The following LYPLAL1 variants were observed in gnomAD, a reference collection of about 807,000 sequenced individuals.
LYPLAL1 encodes lysophospholipase like 1, also known as lysophospholipase-like protein 1.
In LYPLAL1, 23 loss-of-function variants were observed where a neutral mutation model predicts 19.7. The ratio of observed to expected loss-of-function variants is 1.17; its 90% CI spans 0.84 to 1.65. The LOEUF is 1.65. Ranked by LOEUF, LYPLAL1 falls within the 40% of genes most tolerant of loss-of-function variation. LYPLAL1 has a pLI of 0.00. For synonymous variants in LYPLAL1, 119 were observed against 96.3 expected (o/e 1.24, Z -1.38); for missense variants, 355 against 279.4 (o/e 1.27, Z -1.93).
the LYPLAL1 span, among the ~76,000 whole-genome samples, chr1:219,362,952 A>C: frequency 6.9e-6 from 1 of 145,464 alleles, no homozygotes; most frequent in Non-Finnish European, 1.5e-5. Flanking sequence ...GGATGAATGC[A>C]AAAAAAAAAA....
intron 3 of LYPLAL1, among the ~76,000 whole-genome samples, chr1:219,205,291 A>C (rs1658468103): frequency 6.8e-6 from 1 of 146,762 alleles, no homozygotes; most frequent in African/African-American, 2.5e-5. Flanking sequence ...CGGGAAGCGG[A>C]GCTTGCAGTG....
chr1:219,274,091 C>T, the LYPLAL1 span, among the ~76,000 whole-genome samples: 4 of 152,092 alleles, frequency 2.6e-5, no homozygotes, highest in African/African-American at 4.8e-5. Context: ...TTGCTGATGG[C>T]GTAGCTGTAA....
the LYPLAL1 span, among the ~76,000 whole-genome samples, chr1:219,341,609 AC>A: frequency 1.3e-5 from 2 of 152,162 alleles, no homozygotes; most frequent in East Asian, 3.9e-4. Context: ...TCTGTCCTGA[AC>A]CAAGTGGCCT....
chr1:219,287,390 C>T, the LYPLAL1 span, among the ~76,000 whole-genome samples: 1 of 152,160 alleles, frequency 6.6e-6, no homozygotes, highest in African/African-American at 2.4e-5. Flanking sequence ...ATCATATTTT[C>T]CTCACCAAAA....
chr1:219,325,121 GA>G, the LYPLAL1 span, among the ~76,000 whole-genome samples: 1 of 152,144 alleles, frequency 6.6e-6, no homozygotes, highest in African/African-American at 2.4e-5. Flanking sequence ...AAGAATCCAT[GA>G]TAACACTTGC....
chr1:219,186,271 A>G (rs1656713807), intron 2 of LYPLAL1, among the ~76,000 whole-genome samples: 2 of 151,802 alleles, frequency 1.3e-5, no homozygotes, highest in African/African-American at 4.8e-5. Context: ...CATATGGTCT[A>G]TCTTGGTGAC....
the LYPLAL1 span, among the ~76,000 whole-genome samples, chr1:219,319,348 A>G: frequency 2.6e-5 from 4 of 152,168 alleles, no homozygotes; most frequent in Non-Finnish European, 1.5e-5. Context: ...AAGCTTCCCC[A>G]TCGAGTTGGA....
the LYPLAL1 span, among the ~76,000 whole-genome samples, chr1:219,439,056 C>T: frequency 6.6e-6 from 1 of 152,094 alleles, no homozygotes; most frequent in Non-Finnish European, 1.5e-5. Context: ...CTCACTCAAA[C>T]TCTATTTTAC....
the LYPLAL1 span, among the ~76,000 whole-genome samples, chr1:219,258,006 G>A: frequency 2.0e-5 from 3 of 151,962 alleles, no homozygotes; most frequent in Non-Finnish European, 4.4e-5. Context: ...AGAATTCAGT[G>A]ATATCTCTCA....
chr1:219,395,550 C>A, the LYPLAL1 span, among the ~76,000 whole-genome samples: 2 of 151,954 alleles, frequency 1.3e-5, no homozygotes, highest in South Asian at 4.2e-4. Context: ...GCAAAAATTT[C>A]CTCTCATTCT....
the LYPLAL1 span, among the ~76,000 whole-genome samples, chr1:219,242,913 G>T: frequency 6.6e-6 from 1 of 152,264 alleles, no homozygotes; most frequent in East Asian, 1.9e-4. Flanking sequence ...AAGCATTTCA[G>T]TCCTATGTGG....
At chr1:219,250,914 T>G in the LYPLAL1 span, among the ~76,000 whole-genome samples, 1 of 152,236 alleles carries the variant, frequency 6.6e-6, no homozygotes, top group Non-Finnish European at 1.5e-5. Context: ...GAATTTACAC[T>G]CCCACCAACA....
the LYPLAL1 span, among the ~76,000 whole-genome samples, chr1:219,294,627 G>A: frequency 6.6e-6 from 1 of 152,100 alleles, no homozygotes; most frequent in Non-Finnish European, 1.5e-5. Context: ...TCTTCCTTCA[G>A]GTCTGGCTCA....
chr1:219,377,066 A>G, the LYPLAL1 span, among the ~76,000 whole-genome samples: 1 of 152,238 alleles, frequency 6.6e-6, no homozygotes, highest in African/African-American at 2.4e-5. Flanking sequence ...AATAGCTACC[A>G]GGCAAAATCA....
At chr1:219,186,308 G>T (rs745505437) in intron 2 of LYPLAL1, among the ~76,000 whole-genome samples, 1 of 151,718 alleles carries the variant, frequency 6.6e-6, no homozygotes, top group East Asian at 1.9e-4. Context: ...TGCGTGTCAC[G>T]TTCTATAAAT....
At chr1:219,202,780 A>T (rs1461786212) in intron 3 of LYPLAL1, among the ~76,000 whole-genome samples, 1 of 151,876 alleles carries the variant, frequency 6.6e-6, no homozygotes. Flanking sequence ...GGACTCAGTG[A>T]TCCTCCTGCA....
the LYPLAL1 span, among the ~76,000 whole-genome samples, chr1:219,307,568 T>C: frequency 6.6e-6 from 1 of 152,230 alleles, no homozygotes; most frequent in African/African-American, 2.4e-5. Flanking sequence ...TAGAGCAAAG[T>C]TGAGAACATT....
the LYPLAL1 span, among the ~76,000 whole-genome samples, chr1:219,440,463 T>C: frequency 4.0e-5 from 6 of 151,784 alleles, no homozygotes; most frequent in South Asian, 1.2e-3. Context: ...AAACATAACA[T>C]CAAAGACCAC....
the LYPLAL1 span, among the ~76,000 whole-genome samples, chr1:219,223,591 T>C: frequency 6.6e-6 from 1 of 152,206 alleles, no homozygotes; most frequent in Non-Finnish European, 1.5e-5. Flanking sequence ...GTTTTGAAAG[T>C]CATGTGATTT....
Sources: allele counts gnomAD v4.1 joint callset (sites outside exome capture counted in the v4.1 genomes callset), GRCh38; gene constraint gnomAD v4.1.1; transcripts MANE v1.5; gene names NCBI Gene and HGNC (gene_info 2026-07-23, HGNC 2026-07-21).